Variants in TC2N observed in about 807,000 individuals in gnomAD.
TC2N encodes tandem C2 domains nuclear protein.
In TC2N, 51 loss-of-function variants were observed where a neutral mutation model predicts 61.9. The observed-to-expected ratio is 0.82, with a 90% confidence interval of 0.66 to 1.04. The LOEUF is 1.04. Among genes scored for constraint, TC2N ranks in the 50% least tolerant of loss-of-function variants. TC2N has a pLI of 0.00. For synonymous variants in TC2N, 204 were observed against 192.6 expected, an observed-to-expected ratio of 1.06 and a Z score of -0.49; for missense variants, 556 against 566.7, an observed-to-expected ratio of 0.98 and a Z score of 0.19.
intron 1 of TC2N, chr14:91,836,456 G>A (rs764968602): frequency 1.8e-3 from 268 of 152,446 alleles, no homozygotes; most frequent in Non-Finnish European, 3.3e-3. Context: ...TCGAGGTCCT[G>A]CCTTTCCCAG....
At chr14:91,785,990 C>T (rs368817251) in intron 10 of TC2N, among the ~76,000 whole-genome samples, 1 of 152,032 alleles carries the variant, frequency 6.6e-6, no homozygotes, top group South Asian at 2.1e-4. Context: ...TAAGCATACT[C>T]CCCTATCTGA....
At position 91,837,047 on chromosome 14, in the gene TC2N, A is replaced by C. The variant is rs183660686; in HGVS notation, c.-56-23222T>G. 1.6e-4 allele frequency among the ~76,000 whole-genome samples: 25 copies of C among 152,256 alleles called. No individual in the cohort carries two copies. The highest frequency in any genetic ancestry group is 6.0e-4 in the African/African-American group (25 of 41,544). On this transcript the variant is annotated intron_variant, in intron 1 of 11. Coordinates refer to ENST00000435962, the MANE Select transcript of TC2N (RefSeq NM_001128596.3). This position sits in a 1 kb window ranked among gnomAD's most constrained non-coding sequence, Gnocchi z 4.2. ...CCTTGCCATCAATGGGTGTCTTGGA[A>C]AGAATATTAAATGTATCCACCACAG...
chr14:91,815,588 C>G (rs1448296719), intron 1 of TC2N, among the ~76,000 whole-genome samples: 1 of 151,752 alleles, frequency 6.6e-6, no homozygotes, highest in East Asian at 1.9e-4. Context: ...AAACTCCATA[C>G]GTTTTTCACA....
At chr14:91,853,186 G>T (rs952042868) in intron 1 of TC2N, among the ~76,000 whole-genome samples, 3 of 152,194 alleles carry the variant, frequency 2.0e-5, no homozygotes, top group African/African-American at 7.2e-5. Flanking sequence ...GTTGAGAAAT[G>T]ACATGAACTG....
chr14:91,816,398 A>G (rs2139869804), intron 1 of TC2N, among the ~76,000 whole-genome samples: 1 of 151,962 alleles, frequency 6.6e-6, no homozygotes, highest in South Asian at 2.1e-4. Flanking sequence ...TTCTTGTCAT[A>G]TAAGATTAAT....
chr14:91,788,303 A>C (rs1258251782), intron 9 of TC2N, among the ~76,000 whole-genome samples: 1 of 152,242 alleles, frequency 6.6e-6, no homozygotes, highest in South Asian at 2.1e-4. Context: ...CCAACAGCAG[A>C]AGAAAGTTGG....
rs916895839 is a variant in TC2N, at chr14:91,783,230, C to T, written c.1363-20G>A. 7 of 1,380,090 alleles carry T rather than the reference C, an allele frequency of 5.1e-6. No individual in the cohort carries two copies. Among genetic ancestry groups the T allele is most frequent in the Non-Finnish European group, 7.2e-6 (7 of 973,144 alleles). 85.5% of individuals were successfully genotyped at this position (1,380,090 alleles called of 1,614,324 possible). On this transcript the variant is annotated intron_variant, in intron 11 of 11. Coordinates refer to ENST00000435962, the MANE Select transcript of TC2N (RefSeq NM_001128596.3). ...CCAAATCTGTAAAGGAAAGTATGTA[C>T]AATCATTTAACTTGACACAATAATA...
At chr14:91,798,952 T>C in intron 6 of TC2N, 37 bp downstream of exon 6, 1 of 1,352,564 alleles carries the variant, frequency 7.4e-7, no homozygotes, top group African/African-American at 1.5e-5. Flanking sequence ...GAAATAATTA[T>C]CTTAAGAGTA....
intron 1 of TC2N, among the ~76,000 whole-genome samples, chr14:91,841,253 G>C (rs2139909364): frequency 6.6e-6 from 1 of 152,320 alleles, no homozygotes; most frequent in South Asian, 2.1e-4. Context: ...GAAGAGCAGA[G>C]AAACATCTAA....
intron 1 of TC2N, among the ~76,000 whole-genome samples, chr14:91,858,205 CT>C (rs1393632748): frequency 7.3e-6 from 1 of 136,738 alleles, no homozygotes; most frequent in African/African-American, 2.8e-5. Context: ...ATTTCCTAGG[CT>C]GGTCTCAAAC....
rs528324236 is a variant in TC2N at position 91,818,865 on chromosome 14, A to G, written c.-56-5040T>C. Among the ~76,000 whole-genome samples the G allele has an allele frequency of 4.8e-3, 727 of 152,284 alleles. 4 individuals are homozygous for G. Among genetic ancestry groups the G allele is most frequent in the South Asian group, 7.9e-3 (38 of 4,824 alleles). ...GAGAAAAGACTAACATCAAAATGAT[A>G]AAAAGCATCTGTGACTCATGGGACA... On this transcript the variant is annotated intron_variant, in intron 1 of 11. Coordinates refer to ENST00000435962, the MANE Select transcript of TC2N (RefSeq NM_001128596.3).
chr14:91,822,237 G>A (rs1887287936), intron 1 of TC2N, among the ~76,000 whole-genome samples: 1 of 152,136 alleles, frequency 6.6e-6, no homozygotes, highest in Non-Finnish European at 1.5e-5. Context: ...GCCAAAAATT[G>A]AAAACTATCA....
chr14:91,819,008 A>T (rs1447390450), intron 1 of TC2N, among the ~76,000 whole-genome samples: 1 of 152,122 alleles, frequency 6.6e-6, no homozygotes, highest in Non-Finnish European at 1.5e-5. Flanking sequence ...ACTACAAACC[A>T]CAGATCTAAG....
chr14:91,850,337 CA>C (rs1310994905), intron 1 of TC2N, among the ~76,000 whole-genome samples: 7 of 152,094 alleles, frequency 4.6e-5, no homozygotes, highest in African/African-American at 1.7e-4. Flanking sequence ...ACATACTGAA[CA>C]AATATTTGGT....
chr14:91,816,754 C>T (rs917238380), intron 1 of TC2N, among the ~76,000 whole-genome samples: 14 of 151,868 alleles, frequency 9.2e-5, no homozygotes, highest in Non-Finnish European at 1.9e-4. Flanking sequence ...CTCATTAGCA[C>T]AAACACCACA....
chr14:91,856,963 T>C (rs897439811), intron 1 of TC2N, among the ~76,000 whole-genome samples: 2 of 152,154 alleles, frequency 1.3e-5, no homozygotes, highest in Non-Finnish European at 2.9e-5. Context: ...GAGATACAAG[T>C]AGTTACAACA....
At chr14:91,866,121 T>C (rs1888696857) in intron 1 of TC2N, among the ~76,000 whole-genome samples, 2 of 152,008 alleles carry the variant, frequency 1.3e-5, no homozygotes, top group South Asian at 4.2e-4. Flanking sequence ...AAGAGGGGAG[T>C]AGAGGAGAGT....
chr14:91,827,226 C>T lies in TC2N; in HGVS notation c.-56-13401G>A, dbSNP rs148066192. On this transcript the variant is annotated intron_variant, in intron 1 of 11. Transcript: ENST00000435962. ...CTCCAATAGCTTGGATATTGTATTA[C>T]TTTCCTATTGCTGTTGCAACAAATT... 2.0e-5 allele frequency among the ~76,000 whole-genome samples: 3 copies of T among 152,190 alleles called. No homozygotes were observed. The South Asian group carries it at 6.2e-4, about 32-fold the overall frequency.
At chr14:91,797,415 C>T (rs927084261) in intron 8 of TC2N, among the ~76,000 whole-genome samples, 6 of 151,894 alleles carry the variant, frequency 4.0e-5, no homozygotes, top group Admixed American at 3.9e-4. Flanking sequence ...TTCTGTTATA[C>T]TAATTGGAAA....
Sources: allele counts gnomAD v4.1 joint callset (sites outside exome capture counted in the v4.1 genomes callset), GRCh38; gene constraint gnomAD v4.1.1; non-coding constraint Gnocchi (gnomAD v3.1); transcripts MANE v1.5; gene names NCBI Gene and HGNC (gene_info 2026-07-23, HGNC 2026-07-21).